The following NCAM2 variants were observed in gnomAD, a reference collection of about 807,000 sequenced individuals.
NCAM2 encodes the protein neural cell adhesion molecule 2.
Under a neutral mutation model 98.1 loss-of-function variants are expected in NCAM2, and 30 were observed. The ratio of observed to expected loss-of-function variants is 0.31; its 90% CI spans 0.23 to 0.41. NCAM2 has a LOEUF of 0.41. Ranked by LOEUF, NCAM2 falls within the 10% of genes least tolerant of loss-of-function variation. The pLI is 1.00. For synonymous variants in NCAM2, 368 were observed against 342.4 expected (o/e 1.07, Z -0.83); for missense variants, 867 against 1,005.8 (o/e 0.86, Z 1.87).
At chr21:21,051,651 A>T (rs1568969441) in intron 1 of NCAM2, among the ~76,000 whole-genome samples, 1 of 152,188 alleles carries the variant, frequency 6.6e-6, no homozygotes, top group Non-Finnish European at 1.5e-5. Context: ...CTTGTGCCAT[A>T]ATAGGCTCAT....
chr21:21,021,428 G>A (rs192761930), intron 1 of NCAM2, among the ~76,000 whole-genome samples: 17 of 152,220 alleles, frequency 1.1e-4, no homozygotes, highest in Non-Finnish European at 2.1e-4. Flanking sequence ...GTTCACTTCC[G>A]TGTAAAGCCT....
chr21:21,513,372 A>G (rs562636086), intron 16 of NCAM2, among the ~76,000 whole-genome samples: 24 of 152,186 alleles, frequency 1.6e-4, no homozygotes, highest in African/African-American at 5.1e-4. Flanking sequence ...GCAGTATCCA[A>G]TAGGTTTTGG....
intron 16 of NCAM2, among the ~76,000 whole-genome samples, chr21:21,516,518 T>C (rs1289861245): frequency 6.6e-6 from 1 of 152,164 alleles, no homozygotes; most frequent in Non-Finnish European, 1.5e-5. Context: ...TTCTTCTGAA[T>C]TTCTATGTGC....
chr21:21,385,878 T>G (rs1354188601), intron 9 of NCAM2, among the ~76,000 whole-genome samples: 1 of 152,182 alleles, frequency 6.6e-6, no homozygotes, highest in Non-Finnish European at 1.5e-5. Context: ...AGTTACATAC[T>G]AACAATGCAT....
chr21:21,374,103 G>C, intron 9 of NCAM2, 90 bp downstream of exon 9: 1 of 1,272,732 alleles, frequency 7.9e-7, no homozygotes. Context: ...TATATATGTA[G>C]TTCACATTTC....
intron 1 of NCAM2, among the ~76,000 whole-genome samples, chr21:21,229,597 G>A (rs192599436): frequency 1.6e-3 from 238 of 151,538 alleles, no homozygotes; most frequent in Non-Finnish European, 2.6e-3. Flanking sequence ...TTGCATAGCC[G>A]GGAAGTGGTA....
At chr21:21,395,026 C>T (rs537065124) in intron 9 of NCAM2, among the ~76,000 whole-genome samples, 1 of 152,190 alleles carries the variant, frequency 6.6e-6, no homozygotes, top group Admixed American at 6.5e-5. Flanking sequence ...TGTTCTTTCC[C>T]TCATTGAATG....
At chr21:21,316,797 G>A (rs2074236372) in intron 5 of NCAM2, among the ~76,000 whole-genome samples, 1 of 151,994 alleles carries the variant, frequency 6.6e-6, no homozygotes, top group Admixed American at 6.6e-5. Context: ...GCCTGCCTCA[G>A]CCTCCCAAAG....
At chr21:21,263,388 C>T (rs529837826) in intron 1 of NCAM2, among the ~76,000 whole-genome samples, 19 of 152,104 alleles carry the variant, frequency 1.2e-4, no homozygotes, top group African/African-American at 3.9e-4. Context: ...AGAAAAACAT[C>T]CCATGCTAAT....
Position 21,541,102 on chromosome 21 carries a change from A to C in NCAM2, c.*3145A>C, listed in dbSNP as rs1376142093. On this transcript the variant is annotated 3_prime_UTR_variant, in exon 18 of 18. Coordinates refer to ENST00000400546, the MANE Select transcript of NCAM2 (RefSeq NM_004540.5). ...CTTAGTCTTTGAATTAAATATTTAT[A>C]TAAATAGATTTTATTAATCAAATTA... 6.6e-6 allele frequency: 1 copy of C among 150,880 alleles called. No homozygotes were observed. Among genetic ancestry groups the C allele is most frequent in the Non-Finnish European group, 1.5e-5 (1 of 67,436 alleles). 9.3% of individuals were successfully genotyped at this position (150,880 alleles called of 1,614,324 possible). A position where few individuals can be genotyped will look rare whatever the true frequency, so the allele number is the denominator to read the frequency against.
At chr21:21,265,709 C>G (rs936582879) in intron 1 of NCAM2, among the ~76,000 whole-genome samples, 1 of 151,338 alleles carries the variant, frequency 6.6e-6, no homozygotes, top group African/African-American at 2.4e-5. Context: ...AGCTAAGCAA[C>G]GGATACACAT....
rs1269700371 is a variant in NCAM2 at position 21,539,772 on chromosome 21, G to C, written c.*1815G>C. 1 of 152,138 alleles carries C rather than the reference G, an allele frequency of 6.6e-6. No homozygotes were observed. Among genetic ancestry groups the C allele is most frequent in the Non-Finnish European group, 1.5e-5 (1 of 68,012 alleles). 9.4% of individuals were successfully genotyped at this position (152,138 alleles called of 1,614,324 possible). On this transcript the variant is annotated 3_prime_UTR_variant, in exon 18 of 18. Coordinates refer to ENST00000400546, the MANE Select transcript of NCAM2 (RefSeq NM_004540.5). ...AATTCTTGTGCCTACCTAAGAATTT[G>C]AGTAGTGTCTAAACAAACAAAGCAG...
At chr21:21,451,554 T>A (rs1981072004) in intron 12 of NCAM2, among the ~76,000 whole-genome samples, 1 of 152,126 alleles carries the variant, frequency 6.6e-6, no homozygotes, top group South Asian at 2.1e-4. Flanking sequence ...TAGTTTCTCT[T>A]CCTCTAAAGC....
intron 11 of NCAM2, among the ~76,000 whole-genome samples, chr21:21,421,617 T>C (rs1037801065): frequency 6.6e-6 from 1 of 152,164 alleles, no homozygotes; most frequent in African/African-American, 2.4e-5. Context: ...AAACAATCTG[T>C]CCTGCAGAAT....
chr21:21,483,343 T>C (rs1986059981), intron 15 of NCAM2, among the ~76,000 whole-genome samples: 1 of 151,994 alleles, frequency 6.6e-6, no homozygotes, highest in Non-Finnish European at 1.5e-5. Flanking sequence ...ACATACAAAA[T>C]AGTTGTTTAG....
intron 1 of NCAM2, among the ~76,000 whole-genome samples, chr21:21,247,767 T>A (rs1295188732): frequency 1.3e-5 from 2 of 152,228 alleles, no homozygotes; most frequent in Non-Finnish European, 2.9e-5. Context: ...CTTTTTATGA[T>A]TTTATCATAA....
intron 5 of NCAM2, among the ~76,000 whole-genome samples, chr21:21,303,768 A>T (rs1183418206): frequency 6.6e-6 from 1 of 152,136 alleles, no homozygotes; most frequent in African/African-American, 2.4e-5. Flanking sequence ...CTTGCTCCAC[A>T]TCCTCACCAA....
chr21:21,367,677 T>G (rs1388183981), intron 8 of NCAM2, among the ~76,000 whole-genome samples: 2 of 152,008 alleles, frequency 1.3e-5, no homozygotes, highest in African/African-American at 4.8e-5. Flanking sequence ...TTTAGCCAAT[T>G]TATTATGTAC....
chr21:21,129,180 A>G (rs763375109), intron 1 of NCAM2, among the ~76,000 whole-genome samples: 5 of 152,170 alleles, frequency 3.3e-5, no homozygotes, highest in Non-Finnish European at 7.4e-5. Flanking sequence ...AGTCTTTAAA[A>G]ATAGACTGAA....
Sources: gnomAD v4.1 joint callset for allele counts (sites outside exome capture counted in the v4.1 genomes callset) on GRCh38, gnomAD v4.1.1 for gene constraint, MANE v1.5 for transcripts, NCBI Gene and HGNC (gene_info 2026-07-23, HGNC 2026-07-21) for gene names.